ANP32A: variants seen among roughly 807,000 people sequenced by gnomAD.
ANP32A encodes the protein acidic leucine-rich nuclear phosphoprotein 32 family member A.
ANP32A carries 1 observed loss-of-function variant against 33.9 expected under a neutral mutation model. The observed-to-expected ratio is 0.03, with a 90% CI of 0.01 to 0.14. ANP32A has a LOEUF of 0.14. Ranked by LOEUF, ANP32A falls within the 10% of genes least tolerant of loss-of-function variation. The pLI is 1.00. For missense variants in ANP32A, 155 were observed against 306.0 expected, an observed-to-expected ratio of 0.51 and a Z score of 3.68; for synonymous variants, 115 against 120.5, an observed-to-expected ratio of 0.95 and a Z score of 0.30.
chr15:68,788,435 C>T (rs1318906997), intron 1 of ANP32A, among the ~76,000 whole-genome samples: 3 of 151,206 alleles, frequency 2.0e-5, no homozygotes, highest in Non-Finnish European at 2.9e-5. Context: ...CATGGCAGTA[C>T]CCATGTGGCC....
At chr15:68,791,440 T>G (rs1425521168) in intron 1 of ANP32A, 2 of 152,594 alleles carry the variant, frequency 1.3e-5, no homozygotes, top group African/African-American at 4.8e-5. Context: ...CTGTAACTGT[T>G]TCTTTTCAGC....
Position 68,784,464 on chromosome 15 carries a change from C to T in ANP32A, c.459G>A (p.Lys153=), listed in dbSNP as rs1033367263. 3.1e-5 allele frequency: 50 copies of T among 1,614,070 alleles called. No individual in the cohort carries two copies. The highest frequency in any genetic ancestry group is 3.7e-5 in the Non-Finnish European group (44 of 1,180,044). Residue 153 remains lysine, a synonymous_variant, in exon 4 of 7, where the codon AAG becomes AAA. Coordinates refer to ENST00000465139, the MANE Select transcript of ANP32A (RefSeq NM_006305.4). ...CCTCAGCATCCGAGTCAGGGGCCTCCTTGTCGTCCCGGTCATAGCCGTCGA... is the reference window on the plus strand; with the variant it reads ...CCTCAGCATCCGAGTCAGGGGCCTCTTTGTCGTCCCGGTCATAGCCGTCGA... The part of the protein sequence containing the change: ...TYLDGYDRDD[K]EAPDSDAEGY...
intron 1 of ANP32A, among the ~76,000 whole-genome samples, chr15:68,814,320 G>A (rs1037493067): frequency 6.6e-6 from 1 of 152,122 alleles, no homozygotes; most frequent in African/African-American, 2.4e-5. Context: ...AGCGCTTTGG[G>A]ATGCCAAGGT....
intron 1 of ANP32A, among the ~76,000 whole-genome samples, chr15:68,798,526 C>T (rs1180698550): frequency 2.6e-5 from 4 of 152,196 alleles, no homozygotes; most frequent in Non-Finnish European, 5.9e-5. Context: ...TGGGTGGAAA[C>T]TAACTCTGTG....
At chr15:68,781,998 G>A (rs571927701) in intron 5 of ANP32A, among the ~76,000 whole-genome samples, 13 of 152,232 alleles carry the variant, frequency 8.5e-5, no homozygotes, top group South Asian at 2.1e-4. Context: ...TGTGGCAAGC[G>A]GATGTGTCTG....
chr15:68,787,663 G>A (rs1273961702), intron 2 of ANP32A, 107 bp downstream of exon 2: 1 of 1,593,234 alleles, frequency 6.3e-7, no homozygotes, highest in Admixed American at 1.7e-5. Flanking sequence ...TGGCATGTTG[G>A]TGCAAGCACC....
intron 1 of ANP32A, among the ~76,000 whole-genome samples, chr15:68,815,159 C>T (rs920240876): frequency 6.6e-6 from 1 of 152,142 alleles, no homozygotes; most frequent in Non-Finnish European, 1.5e-5. Context: ...CTTAAAAAGA[C>T]CCTGAGAGTA....
At chr15:68,819,999 A>G (rs2140378498) in intron 1 of ANP32A, among the ~76,000 whole-genome samples, 1 of 152,282 alleles carries the variant, frequency 6.6e-6, no homozygotes, top group East Asian at 1.9e-4. Flanking sequence ...CACGAACACT[A>G]CAAAGTTACA....
At chr15:68,808,461 C>T (rs556075031) in intron 1 of ANP32A, among the ~76,000 whole-genome samples, 1 of 152,212 alleles carries the variant, frequency 6.6e-6, no homozygotes, top group African/African-American at 2.4e-5. Flanking sequence ...TCCTACCCAG[C>T]CCAGGATGCA....
At chr15:68,813,747 G>C (rs2140374487) in intron 1 of ANP32A, among the ~76,000 whole-genome samples, 1 of 152,260 alleles carries the variant, frequency 6.6e-6, no homozygotes, top group Non-Finnish European at 1.5e-5. Flanking sequence ...CAGACAATTG[G>C]GCCACGTTCA....
chr15:68,813,970 C>T (rs930346623), intron 1 of ANP32A, among the ~76,000 whole-genome samples: 7 of 142,208 alleles, frequency 4.9e-5, no homozygotes, highest in South Asian at 2.4e-4. Context: ...CCCGGGTTCA[C>T]GGCATTCTCC....
At chr15:68,793,533 C>T (rs1460725655) in intron 1 of ANP32A, among the ~76,000 whole-genome samples, 1 of 152,126 alleles carries the variant, frequency 6.6e-6, no homozygotes, top group East Asian at 1.9e-4. Context: ...TCCTTGCCAG[C>T]AAGAGGTGTG....
chr15:68,800,743 CAA>C (rs398070692), intron 1 of ANP32A, among the ~76,000 whole-genome samples: 7 of 83,630 alleles, frequency 8.4e-5, no homozygotes, highest in Admixed American at 1.5e-4. Flanking sequence ...GACTCCGTCT[CAA>C]AAAAAAAAAA....
At chr15:68,792,476 T>C (rs1894010438) in intron 1 of ANP32A, among the ~76,000 whole-genome samples, 1 of 152,264 alleles carries the variant, frequency 6.6e-6, no homozygotes, top group East Asian at 1.9e-4. Context: ...CCTGAAAAAC[T>C]TGTCCCCAAA....
At chr15:68,817,154 C>A (rs768564924) in intron 1 of ANP32A, among the ~76,000 whole-genome samples, 51 of 152,198 alleles carry the variant, frequency 3.4e-4, no homozygotes, top group African/African-American at 1.1e-3. Context: ...ATCGGAGGAC[C>A]CGACGCGACG....
At chr15:68,782,744 C>T in intron 5 of ANP32A, 4 of 854,748 alleles carry the variant, frequency 4.7e-6, no homozygotes, top group Non-Finnish European at 6.9e-6. Context: ...TCCTCTTCCC[C>T]TCTTCTAATC....
chr15:68,788,047 C>G (rs1893954929), intron 1 of ANP32A, 128 bp from the exon 2 acceptor site: 1 of 1,192,976 alleles, frequency 8.4e-7, no homozygotes, highest in African/African-American at 1.5e-5. Flanking sequence ...GTCACTTCTT[C>G]TAGCTTTCCG....
intron 1 of ANP32A, among the ~76,000 whole-genome samples, chr15:68,817,886 C>A (rs1418317783): frequency 6.6e-6 from 1 of 152,070 alleles, no homozygotes; most frequent in Non-Finnish European, 1.5e-5. Flanking sequence ...GCTCCCCCCG[C>A]CCCCCACAGC....
intron 1 of ANP32A, among the ~76,000 whole-genome samples, chr15:68,813,868 G>GTTTT (rs34385351): frequency 0.033 from 3,847 of 118,166 alleles, 252 homozygotes; most frequent in African/African-American, 0.056. Context: ...TTTCCAGGAA[G>GTTTT]TTTTTTTTTT....
Sources: allele counts gnomAD v4.1 joint callset (sites outside exome capture counted in the v4.1 genomes callset), GRCh38; gene constraint gnomAD v4.1.1; transcripts MANE v1.5; gene names NCBI Gene and HGNC (gene_info 2026-07-23, HGNC 2026-07-21).